PKHD1: variants seen among roughly 807,000 people sequenced by gnomAD.
The protein encoded by PKHD1 is PKHD1 ciliary IPT domain containing fibrocystin/polyductin, also known as fibrocystin.
In PKHD1, 291 loss-of-function variants were observed where a neutral mutation model predicts 412.0. The observed-to-expected ratio is 0.71, with a 90% CI of 0.64 to 0.78. The LOEUF (loss-of-function observed/expected upper bound fraction) is 0.78, where lower values mean the gene tolerates loss of function less well. PKHD1 is among the 30% of genes least tolerant of loss of function. The pLI, the probability that PKHD1 is intolerant of heterozygous loss-of-function variation, is 0.00. For missense variants in PKHD1, 4,825 were observed against 4,950.7 expected (o/e 0.97, Z 0.76); for synonymous variants, 1,777 against 1,821.5 (o/e 0.98, Z 0.62).
At chr6:51,810,326 C>G (rs1764507784) in intron 52 of PKHD1, among the ~76,000 whole-genome samples, 1 of 152,014 alleles carries the variant, frequency 6.6e-6, no homozygotes, top group South Asian at 2.1e-4. Flanking sequence ...ATAATCTATG[C>G]CACATTCAAG....
At chr6:51,637,702 G>A (rs567118493) in intron 64 of PKHD1, among the ~76,000 whole-genome samples, 5 of 151,938 alleles carry the variant, frequency 3.3e-5, no homozygotes, top group East Asian at 1.9e-4. Flanking sequence ...TCAGAAATTC[G>A]AGACCAGCCT....
In PKHD1 at chr6:52,066,088, T is replaced by TAAAAA; in HGVS notation, c.779-16_779-12dup. ...ACACAGATAATATTTCTGCAAGAGT[T>TAAAAA]AAAAAAAAAAAAAAGTAAGCTTCCA... On this transcript the variant is annotated splice_polypyrimidine_tract_variant and intron_variant, in intron 11 of 66. Coordinates refer to ENST00000371117, the MANE Select transcript of PKHD1 (RefSeq NM_138694.4). 1 of 959,064 alleles carries TAAAAA rather than the reference T, an allele frequency of 1.0e-6. No homozygotes were observed. The highest frequency in any genetic ancestry group is 1.6e-6 in the Non-Finnish European group (1 of 614,522). 59.4% of individuals were successfully genotyped at this position (959,064 alleles called of 1,614,324 possible).
chr6:51,747,521 A>C (rs191523897), intron 58 of PKHD1, among the ~76,000 whole-genome samples: 1 of 152,296 alleles, frequency 6.6e-6, no homozygotes, highest in African/African-American at 2.4e-5. Context: ...CCTGGTCAAG[A>C]TAGCAAGATC....
intron 43 of PKHD1, among the ~76,000 whole-genome samples, chr6:51,888,716 G>A (rs770554954): frequency 4.6e-5 from 7 of 151,252 alleles, no homozygotes; most frequent in Admixed American, 1.3e-4. Context: ...TCAACTACAG[G>A]CAACAAAGTA....
chr6:51,922,552 G>T (rs775967717), intron 37 of PKHD1, among the ~76,000 whole-genome samples: 1 of 152,254 alleles, frequency 6.6e-6, no homozygotes, highest in Non-Finnish European at 1.5e-5. Flanking sequence ...GAGAGGTAGA[G>T]TCTACAGAGG....
chr6:51,765,523 G>A (rs1788845646), intron 55 of PKHD1, among the ~76,000 whole-genome samples: 1 of 151,840 alleles, frequency 6.6e-6, no homozygotes, highest in Non-Finnish European at 1.5e-5. Context: ...CCCACCCTAG[G>A]CCAGCTGGTT....
intron 39 of PKHD1, 71 bp from the exon 40 acceptor site, chr6:51,909,545 G>T: frequency 1.7e-6 from 2 of 1,154,572 alleles, no homozygotes; most frequent in Non-Finnish European, 1.3e-6. Context: ...CTCCCAGTTT[G>T]AAAGGTACTG....
intron 60 of PKHD1, among the ~76,000 whole-genome samples, chr6:51,734,719 A>C (rs1447112085): frequency 1.3e-5 from 2 of 152,176 alleles, no homozygotes; most frequent in South Asian, 2.1e-4. Context: ...AGGAAAAAAA[A>C]AAACTCTACA....
intron 52 of PKHD1, among the ~76,000 whole-genome samples, chr6:51,796,816 G>C (rs1305606298): frequency 1.0e-5 from 1 of 98,904 alleles, no homozygotes; most frequent in Non-Finnish European, 2.2e-5. Context: ...GTTTTGAATA[G>C]ATTTTTTTTT....
intron 21 of PKHD1, 106 bp from the exon 22 acceptor site, chr6:52,050,401 T>C: frequency 4.6e-6 from 5 of 1,094,490 alleles, no homozygotes; most frequent in South Asian, 1.3e-5. Flanking sequence ...AGTACACACC[T>C]AAAGCATAGA....
chr6:51,816,020 A>G (rs1765404619), intron 52 of PKHD1, among the ~76,000 whole-genome samples: 1 of 152,194 alleles, frequency 6.6e-6, no homozygotes, highest in African/African-American at 2.4e-5. Flanking sequence ...ATAAACAGTA[A>G]TATGATATTA....
chr6:51,765,522 G>A (rs1009006906), intron 55 of PKHD1, among the ~76,000 whole-genome samples: 2 of 151,794 alleles, frequency 1.3e-5, no homozygotes, highest in Non-Finnish European at 2.9e-5. Flanking sequence ...CCCCACCCTA[G>A]GCCAGCTGGT....
intron 37 of PKHD1, among the ~76,000 whole-genome samples, chr6:51,919,551 G>T (rs890329001): frequency 6.6e-6 from 1 of 152,214 alleles, no homozygotes; most frequent in Non-Finnish European, 1.5e-5. Context: ...ATCGTTTGAA[G>T]TCAGGTAGCA....
intron 61 of PKHD1, among the ~76,000 whole-genome samples, chr6:51,651,683 T>G (rs897518037): frequency 8.5e-5 from 13 of 152,148 alleles, no homozygotes; most frequent in African/African-American, 3.1e-4. Context: ...TTTAGGTGAC[T>G]TATAGCAATT....
intron 36 of PKHD1, among the ~76,000 whole-genome samples, chr6:51,953,616 G>T (rs1447085315): frequency 6.6e-6 from 1 of 151,358 alleles, no homozygotes; most frequent in Non-Finnish European, 1.5e-5. Flanking sequence ...GGCTGTGATA[G>T]GTTCATCATT....
chr6:51,839,741 G>C (rs1463922267), intron 50 of PKHD1, among the ~76,000 whole-genome samples: 1 of 151,938 alleles, frequency 6.6e-6, no homozygotes, highest in South Asian at 2.1e-4. Flanking sequence ...ATCTTAGTAG[G>C]TTATAGACTC....
rs200918134 is a variant in PKHD1, at chr6:52,054,042, C to T, written c.1960G>A (p.Glu654Lys). ...GCCTCCCCACCGATTAGCTACCTCTCGGGGCTGGTCCTCGTGAGACTCCAG... is the reference window on the plus strand; with the variant it reads ...GCCTCCCCACCGATTAGCTACCTCTTGGGGCTGGTCCTCGTGAGACTCCAG... ...CDWSLTRTSP[E>K]SWQFDCTDLW... The change falls in exon 20 of 67, where the codon GAG becomes AAG. Residue 654 changes from glutamate (E) to lysine (K), a missense_variant. Coordinates refer to ENST00000371117, the MANE Select transcript of PKHD1 (RefSeq NM_138694.4). The T allele has an allele frequency of 7.1e-5, 115 of 1,613,854 alleles. No homozygotes were observed. In the East Asian group the frequency reaches 1.3e-3, roughly 18 times the overall value.
chr6:51,761,098 T>C (rs1217961946), intron 55 of PKHD1, among the ~76,000 whole-genome samples: 1 of 152,026 alleles, frequency 6.6e-6, no homozygotes, highest in Non-Finnish European at 1.5e-5. Context: ...GGATATGAAA[T>C]CAGTATGTCT....
chr6:51,778,329 G>A (rs1026272311), intron 53 of PKHD1, among the ~76,000 whole-genome samples: 2 of 152,110 alleles, frequency 1.3e-5, no homozygotes, highest in Non-Finnish European at 2.9e-5. Context: ...TTGTCATTGT[G>A]CTGCAAAGAC....
Sources: allele counts gnomAD v4.1 joint callset (sites outside exome capture counted in the v4.1 genomes callset), GRCh38; gene constraint gnomAD v4.1.1; transcripts MANE v1.5; gene names NCBI Gene and HGNC (gene_info 2026-07-23, HGNC 2026-07-21).